CWC27: variants seen among roughly 807,000 people sequenced by gnomAD.
The protein encoded by CWC27 is CWC27 spliceosome associated cyclophilin.
In CWC27, 47 loss-of-function variants were observed where a neutral mutation model predicts 63.6. The observed-to-expected ratio is 0.74, with a 90% CI of 0.58 to 0.94. The LOEUF (loss-of-function observed/expected upper bound fraction) is 0.94. Among genes scored for constraint, CWC27 ranks in the 40% least tolerant of loss-of-function variants. The pLI is 0.00. For synonymous variants in CWC27, 175 were observed against 179.8 expected, an observed-to-expected ratio of 0.97 and a Z score of 0.22; for missense variants, 495 against 554.3, an observed-to-expected ratio of 0.89 and a Z score of 1.07.
chr5:64,803,634 G>T (rs1160697167), intron 9 of CWC27, among the ~76,000 whole-genome samples: 4 of 152,120 alleles, frequency 2.6e-5, no homozygotes, highest in Non-Finnish European at 5.9e-5. Context: ...GAGATATCTG[G>T]AATAGAGTAT....
intron 13 of CWC27, among the ~76,000 whole-genome samples, chr5:65,001,179 G>T (rs1409055609): frequency 6.6e-6 from 1 of 151,988 alleles, no homozygotes; most frequent in Non-Finnish European, 1.5e-5. Context: ...CTTTTGTCCT[G>T]CAATTTTACT....
At chr5:64,774,288 A>G (rs1743363171) in intron 1 of CWC27, among the ~76,000 whole-genome samples, 1 of 152,164 alleles carries the variant, frequency 6.6e-6, no homozygotes. Context: ...CCCAAATAGC[A>G]TGGAACACCA....
intron 7 of CWC27, among the ~76,000 whole-genome samples, chr5:64,794,472 TGGAA>T (rs1744188693): frequency 6.6e-6 from 1 of 152,100 alleles, no homozygotes; most frequent in South Asian, 2.1e-4. Flanking sequence ...ATAAGATCTC[TGGAA>T]TAAGGATTTT....
In CWC27 at chr5:64,819,361, C is replaced by G. The variant is rs181041720; in HGVS notation, c.938+14975C>G. On this transcript the variant is annotated intron_variant, in intron 10 of 13. Transcript: ENST00000381070. ...GAAACCTTCGTGTGTACCCCCGAAC[C>G]TAAAATAAAGTTAAAAAAGGGTGAC... Among the ~76,000 whole-genome samples the G allele has an allele frequency of 7.2e-5, 11 of 152,126 alleles. No homozygotes were observed. The East Asian group carries it at 1.9e-3, about 27-fold the overall frequency.
chr5:64,996,546 C>T (rs1749635801), intron 13 of CWC27, among the ~76,000 whole-genome samples: 1 of 151,072 alleles, frequency 6.6e-6, no homozygotes, highest in South Asian at 2.1e-4. Flanking sequence ...TGTTGTTGTG[C>T]CCAAATTATA....
At chr5:64,880,853 C>CTTTTTT (rs571051416) in intron 10 of CWC27, among the ~76,000 whole-genome samples, 4 of 136,074 alleles carry the variant, frequency 2.9e-5, no homozygotes, top group Non-Finnish European at 3.1e-5. Context: ...TTATAAAAGC[C>CTTTTTT]ATTTTTTTTT....
At chr5:64,881,175 AT>A (rs1427259173) in intron 10 of CWC27, among the ~76,000 whole-genome samples, 2 of 152,064 alleles carry the variant, frequency 1.3e-5, no homozygotes, top group Non-Finnish European at 2.9e-5. Context: ...GGTCTCAAAG[AT>A]TTTGACAACA....
chr5:64,844,821 A>T, intron 10 of CWC27: 1 of 445,542 alleles, frequency 2.2e-6, no homozygotes, highest in South Asian at 1.6e-5. Flanking sequence ...ACAGCCACTC[A>T]ACTCTGCCAC....
rs748127943 is a variant in CWC27, at chr5:64,786,570, G to A, written c.542G>A (p.Arg181Lys). The A allele has an allele frequency of 1.3e-6, 2 of 1,592,928 alleles. No homozygotes were observed. The highest frequency in any genetic ancestry group is 1.4e-5 in the African/African-American group (1 of 73,620). Residue 181 changes from arginine (R) to lysine (K), a missense_variant, in exon 6 of 14, where the codon AGG (arginine) becomes AAG (lysine). This residue lies in a region of CWC27 where 463 missense variants were observed against 498.1 expected (regional missense o/e 0.93). Coordinates refer to ENST00000381070, the MANE Select transcript of CWC27 (RefSeq NM_005869.4). ...GACATCATTCCAAGGGAAATTAAAA[G>A]GCTGAAAAAAGAGAAACCAGAGGAG... ...FDDIIPREIKRLKKEKPEEEV... is the reference protein window; with the variant it reads ...FDDIIPREIKKLKKEKPEEEV...
At chr5:64,819,706 A>G (rs1251388937) in intron 10 of CWC27, among the ~76,000 whole-genome samples, 1 of 152,182 alleles carries the variant, frequency 6.6e-6, no homozygotes, top group Non-Finnish European at 1.5e-5. Context: ...TAAATTATCC[A>G]GTCTTGGTTA....
intron 11 of CWC27, among the ~76,000 whole-genome samples, chr5:64,890,575 TA>T (rs1747209570): frequency 6.6e-6 from 1 of 152,078 alleles, no homozygotes; most frequent in African/African-American, 2.4e-5. Context: ...AACCCAGAAG[TA>T]TCAGACCTAT....
intron 6 of CWC27, among the ~76,000 whole-genome samples, chr5:64,787,229 TTTG>T (rs1743920022): frequency 1.4e-4 from 4 of 28,368 alleles, no homozygotes; most frequent in Admixed American, 2.6e-4. Context: ...AGTGGTTTTG[TTTG>T]TTTGTTTGTT....
At chr5:64,864,985 G>A (rs180836172) in intron 10 of CWC27, among the ~76,000 whole-genome samples, 91 of 152,140 alleles carry the variant, frequency 6.0e-4, no homozygotes, top group African/African-American at 2.1e-3. Flanking sequence ...TCTCAAAAAT[G>A]TATGCCTCCT....
chr5:64,882,716 C>T (rs958178337), intron 10 of CWC27, among the ~76,000 whole-genome samples: 3 of 152,144 alleles, frequency 2.0e-5, no homozygotes, highest in African/African-American at 7.2e-5. Context: ...GCCTCAGCCT[C>T]CCGAATAGCT....
intron 12 of CWC27, among the ~76,000 whole-genome samples, chr5:64,976,855 T>C (rs1018976170): frequency 7.2e-5 from 11 of 152,154 alleles, no homozygotes; most frequent in African/African-American, 2.4e-4. Flanking sequence ...TTTCAAAAGT[T>C]GGGTCTTCTG....
chr5:64,943,870 G>A (rs1748538862), intron 11 of CWC27, among the ~76,000 whole-genome samples: 1 of 151,952 alleles, frequency 6.6e-6, no homozygotes, highest in East Asian at 1.9e-4. Flanking sequence ...ATGTGATCTG[G>A]ACCAAACACT....
intron 11 of CWC27, among the ~76,000 whole-genome samples, chr5:64,956,217 A>G (rs1298002646): frequency 6.6e-6 from 1 of 152,192 alleles, no homozygotes; most frequent in African/African-American, 2.4e-5. Flanking sequence ...TAAGAGGCTC[A>G]CAAACACCTA....
rs1388539677 is a variant in CWC27 at position 64,903,541 on chromosome 5, G to A, written c.1042+17995G>A. On this transcript the variant is annotated intron_variant, in intron 11 of 13. Coordinates refer to ENST00000381070, the MANE Select transcript of CWC27 (RefSeq NM_005869.4). ...GGGCCTGTTGGGGGATCGGGGCAAG[G>A]GGAGGGAGAGCATTAGGACAACTAC... Among the ~76,000 whole-genome samples the A allele has an allele frequency of 2.0e-5, 3 of 151,974 alleles. No homozygotes were observed. In the East Asian group the frequency reaches 5.8e-4, roughly 29 times the overall value.
At chr5:64,777,177 G>T (rs1032751912) in intron 2 of CWC27, among the ~76,000 whole-genome samples, 1 of 152,046 alleles carries the variant, frequency 6.6e-6, no homozygotes, top group African/African-American at 2.4e-5. Flanking sequence ...AATACATTGT[G>T]TGACTACTAA....
Sources: allele counts gnomAD v4.1 joint callset (sites outside exome capture counted in the v4.1 genomes callset), GRCh38; gene constraint gnomAD v4.1.1; regional missense constraint gnomAD v4.1.1; transcripts MANE v1.5; gene names NCBI Gene and HGNC (gene_info 2026-07-23, HGNC 2026-07-21).